TMEM245: variants seen among roughly 807,000 people sequenced by gnomAD.
TMEM245 encodes protein CG-2.
Under a neutral mutation model 101.2 loss-of-function variants are expected in TMEM245, and 69 were observed. The ratio of observed to expected loss-of-function variants is 0.68; its 90% CI spans 0.56 to 0.83. TMEM245 has a LOEUF of 0.83. Among genes scored for constraint, TMEM245 ranks in the 40% least tolerant of loss-of-function variants. The pLI is 0.00. For missense variants in TMEM245, 1,075 were observed against 1,092.8 expected (o/e 0.98, Z 0.23); for synonymous variants, 537 against 449.8 (o/e 1.19, Z -2.45).
chr9:109,044,749 AT>A (rs1440153192), intron 14 of TMEM245, among the ~76,000 whole-genome samples: 1 of 148,260 alleles, frequency 6.7e-6, no homozygotes, highest in African/African-American at 2.5e-5. Context: ...CATCTTGATC[AT>A]TTATCATTTT....
At chr9:109,031,591 G>A (rs149344761) in intron 17 of TMEM245, among the ~76,000 whole-genome samples, 1 of 152,324 alleles carries the variant, frequency 6.6e-6, no homozygotes, top group Non-Finnish European at 1.5e-5. Context: ...TATGGTTAGA[G>A]TATCAGCAGG....
At chr9:109,037,717 G>A (rs914841050) in intron 15 of TMEM245, among the ~76,000 whole-genome samples, 4 of 152,148 alleles carry the variant, frequency 2.6e-5, no homozygotes, top group African/African-American at 7.2e-5. Flanking sequence ...GCAGAACCGT[G>A]AGCCAATTAA....
intron 1 of TMEM245, among the ~76,000 whole-genome samples, chr9:109,109,672 T>G (rs921556959): frequency 7.9e-5 from 12 of 152,122 alleles, no homozygotes; most frequent in Non-Finnish European, 1.6e-4. Context: ...TTTGAAAAAG[T>G]TTTAAATATA....
chr9:109,103,192 C>T (rs1830323583), intron 3 of TMEM245, among the ~76,000 whole-genome samples: 1 of 152,168 alleles, frequency 6.6e-6, no homozygotes, highest in Admixed American at 6.5e-5. Context: ...GATGACTGAA[C>T]TTACATATGC....
chr9:109,083,047 G>A (rs1426832069), intron 7 of TMEM245, among the ~76,000 whole-genome samples: 1 of 151,922 alleles, frequency 6.6e-6, no homozygotes, highest in African/African-American at 2.4e-5. Flanking sequence ...AGAGAGGAAA[G>A]AGTGGGAAAG....
At position 109,038,063 on chromosome 9, in the gene TMEM245, C is replaced by T; in HGVS notation, c.2178G>A (p.Trp726Ter). ...TGATGCCAAACATAGTATGAGTCAG[C>T]CAGGTATACAATCCATAGAAGCCAG... The part of the protein sequence containing the change: ...KMAGFYGLYT[W>*]LTHTMFGINI... The change falls in exon 15 of 18, where the codon TGG (tryptophan) becomes TGA (stop). Residue 726 changes from tryptophan to a stop codon, truncating the protein, a stop_gained. Transcript: ENST00000374586. LOFTEE classifies it high-confidence loss of function. The T allele has an allele frequency of 6.2e-7, 1 of 1,612,948 alleles. No individual in the cohort carries two copies. Among genetic ancestry groups the T allele is most frequent in the Non-Finnish European group, 8.5e-7 (1 of 1,179,496 alleles).
chr9:109,062,661 T>A (rs550670), intron 10 of TMEM245, among the ~76,000 whole-genome samples: 141,674 of 152,316 alleles, frequency 0.93, 66,010 homozygotes, highest in East Asian at 1. Flanking sequence ...AACTGAAAAC[T>A]AAATATTCAA....
chr9:109,083,176 G>A lies in TMEM245; in HGVS notation c.1345-2233C>T, dbSNP rs1209600905. Among the ~76,000 whole-genome samples, 6 of 152,152 alleles carry A rather than the reference G, an allele frequency of 3.9e-5. No individual in the cohort carries two copies. The East Asian group carries it at 9.6e-4, about 24-fold the overall frequency. On this transcript the variant is annotated intron_variant, in intron 7 of 17. Transcript: ENST00000374586. ...TAAGGACGAAAAGAGGAAAAAAAGT[G>A]AAGAGGATAAAAAACTTAGATGGAG...
chr9:109,060,586 C>T (rs3750451), intron 10 of TMEM245, 134 bp from the exon 11 acceptor site: 150,716 of 587,828 alleles, frequency 0.26, 20,966 homozygotes, highest in Admixed American at 0.29. Flanking sequence ...AGCCATATTA[C>T]GTTCTTTCCT....
At chr9:109,083,901 C>CAAAAAAAA (rs751739620) in intron 7 of TMEM245, among the ~76,000 whole-genome samples, 1,539 of 34,408 alleles carry the variant, frequency 0.045, 414 homozygotes, top group Middle Eastern at 0.071. Context: ...ACTAAAAATA[C>CAAAAAAAA]AAAAAAAAAA....
chr9:109,021,587 T>A (rs1216728756), intron 17 of TMEM245, among the ~76,000 whole-genome samples: 1 of 152,206 alleles, frequency 6.6e-6, no homozygotes. Flanking sequence ...CTATCTCAGC[T>A]CACTGCAACC....
In TMEM245 at chr9:109,119,810, T is replaced by C. The variant is rs1830861208; in HGVS notation, c.104A>G (p.Glu35Gly). ...RAVGPSGGGGETPRTAALALR... is the reference protein window; with the variant it reads ...RAVGPSGGGGGTPRTAALALR... ...CGCCAGCGCCGCGGTCCGCGGGGTC[T>C]CCCCGCCACCGCCACTCGGCCCGAC... The change falls in exon 1 of 18, where the codon GAG (glutamate) becomes GGG (glycine). Residue 35 changes from glutamate (E) to glycine (G), a missense_variant. By Grantham distance (98) the Glu-to-Gly change is moderately conservative. Around this residue, in one of 2 missense-constraint regions of TMEM245, gnomAD observed 808 missense variants for 741.5 expected, o/e 1.09. Coordinates refer to ENST00000374586, the MANE Select transcript of TMEM245 (RefSeq NM_032012.4). The C allele has an allele frequency of 1.4e-6, 2 of 1,444,740 alleles. No individual in the cohort carries two copies. The highest frequency in any genetic ancestry group is 1.8e-6 in the Non-Finnish European group (2 of 1,100,988). The allele number at this position is 1,444,740 out of a possible 1,614,324, so 89.5% of individuals were successfully genotyped here. A position where few individuals can be genotyped will look rare whatever the true frequency, so the allele number is the denominator to read the frequency against.
chr9:109,018,967 A>G lies in TMEM245; in HGVS notation c.*1493T>C, dbSNP rs1827537579. 1 of 145,498 alleles carries G rather than the reference A, an allele frequency of 6.9e-6. No individual in the cohort carries two copies. Among genetic ancestry groups the G allele is most frequent in the Non-Finnish European group, 1.5e-5 (1 of 67,352 alleles). 9.0% of individuals were successfully genotyped at this position (145,498 alleles called of 1,614,324 possible). A position where few individuals can be genotyped will look rare whatever the true frequency, so the allele number is the denominator to read the frequency against. On this transcript the variant is annotated 3_prime_UTR_variant, in exon 18 of 18. Transcript: ENST00000374586. ...GCCATGTTGCCTAGGCTGATCTCAA[A>G]TCCCTGGGCTCAAGCAATCCACCCA...
rs114396034 is a variant in TMEM245, at chr9:109,047,887, G to A, written c.2123+2396C>T. 9.6e-3 allele frequency among the ~76,000 whole-genome samples: 1,460 copies of A among 152,218 alleles called. 24 individuals are homozygous for A. The highest frequency in any genetic ancestry group is 0.033 in the African/African-American group (1,387 of 41,530). ...TACAATAAATAGCTTTACCCCACTG[G>A]GAAGATAAAAGATTAGCCTTCCTTT... On this transcript the variant is annotated intron_variant, in intron 14 of 17. Transcript: ENST00000374586.
At position 109,115,712 on chromosome 9, in the gene TMEM245, T is replaced by C. The variant is rs187360630; in HGVS notation, c.579+3623A>G. 8.2e-3 allele frequency among the ~76,000 whole-genome samples: 1,242 copies of C among 151,840 alleles called. 15 individuals carry two copies. The highest frequency in any genetic ancestry group is 0.029 in the African/African-American group (1,199 of 41,358). On this transcript the variant is annotated intron_variant, in intron 1 of 17. Transcript: ENST00000374586. The stretch of plus-strand genomic sequence containing the variant: ...ACCCGGCTAATTTTTGTATTTTTAG[T>C]AGAGACGGGGTTTCACCATGTTGGC...
At chr9:109,078,268 C>A (rs929504415) in intron 8 of TMEM245, among the ~76,000 whole-genome samples, 2 of 152,110 alleles carry the variant, frequency 1.3e-5, no homozygotes, top group Non-Finnish European at 2.9e-5. Flanking sequence ...AACAGTATTT[C>A]TATTTTTCTT....
chr9:109,024,817 G>C (rs1022742470), intron 17 of TMEM245, among the ~76,000 whole-genome samples: 3 of 152,218 alleles, frequency 2.0e-5, no homozygotes, highest in Non-Finnish European at 4.4e-5. Context: ...AGAGAAGAAA[G>C]GCATGAGAAG....
In TMEM245 at chr9:109,048,837, G is replaced by C. The variant is rs556754443; in HGVS notation, c.2123+1446C>G. 2.2e-4 allele frequency among the ~76,000 whole-genome samples: 33 copies of C among 152,328 alleles called. 2 individuals are homozygous for C. Among genetic ancestry groups the C allele is most frequent in the African/African-American group, 7.9e-4 (33 of 41,574 alleles). ...AAACAAAGCCTGTAAATACATGGAT[G>C]CCAGAAGTCATAACGAAAAAGTTTC... On this transcript the variant is annotated intron_variant, in intron 14 of 17. Coordinates refer to ENST00000374586, the MANE Select transcript of TMEM245 (RefSeq NM_032012.4).
chr9:109,074,532 G>A (rs1452226245), intron 8 of TMEM245, among the ~76,000 whole-genome samples: 1 of 152,118 alleles, frequency 6.6e-6, no homozygotes, highest in East Asian at 1.9e-4. Context: ...GTGTAATGAG[G>A]GAGAAAAGGA....
Sources: allele counts gnomAD v4.1 joint callset (sites outside exome capture counted in the v4.1 genomes callset), GRCh38; gene constraint gnomAD v4.1.1; regional missense constraint gnomAD v4.1.1; transcripts MANE v1.5; gene names NCBI Gene and HGNC (gene_info 2026-07-23, HGNC 2026-07-21).